Variants in ESS2 observed in about 807,000 individuals in gnomAD.
ESS2 encodes the protein splicing factor ESS-2 homolog.
A neutral mutation model predicts 52.0 loss-of-function variants in ESS2; 31 were observed. The ratio of observed to expected loss-of-function variants is 0.60; its 90% confidence interval spans 0.45 to 0.81. The LOEUF (loss-of-function observed/expected upper bound fraction) is 0.81. Ranked by LOEUF, ESS2 falls within the 30% of genes least tolerant of loss-of-function variation. The probability of loss-of-function intolerance (pLI) is 0.00; values close to 1 mark genes in which losing one functional copy is unlikely to be tolerated. For missense variants in ESS2, 602 were observed against 637.2 expected, an observed-to-expected ratio of 0.94 and a Z score of 0.59; for synonymous variants, 285 against 259.2, an observed-to-expected ratio of 1.10 and a Z score of -0.95.
intron 1 of ESS2, 21 bp downstream of exon 1, chr22:19,144,485 G>C (rs200727468): frequency 6.2e-7 from 1 of 1,611,372 alleles, no homozygotes; most frequent in East Asian, 2.2e-5. Context: ...GAAGTCGCCG[G>C]CGTCCGCACC....
chr22:19,139,993 C>T lies in ESS2; in HGVS notation c.432G>A (p.Pro144=), dbSNP rs371813070. 20 of 1,613,784 alleles carry T rather than the reference C, an allele frequency of 1.2e-5. No individual in the cohort carries two copies. The highest frequency in any genetic ancestry group is 4.0e-5 in the African/African-American group (3 of 74,918). Residue 144 remains proline, a synonymous_variant, in exon 4 of 10, where the codon CCG becomes CCA. Coordinates refer to ENST00000252137, the MANE Select transcript of ESS2 (RefSeq NM_022719.3). ...TCAGGAAGACATCTAGGCTGGGCAG[C>T]GGCTCCTTCTCCTCCTCCTCTCCAG... is the stretch of plus-strand genomic sequence containing the variant. ...GEAGEEEEKE[P]LPSLDVFLSR...
Position 19,137,366 on chromosome 22 carries a change from G to A in ESS2, c.992C>T (p.Ser331Leu), listed in dbSNP as rs780602798. The A allele has an allele frequency of 3.5e-5, 56 of 1,613,610 alleles. No individual in the cohort carries two copies. The South Asian group carries it at 4.6e-4, about 13-fold the overall frequency. Residue 331 changes from serine to leucine, a missense_variant, in exon 8 of 10, where the codon TCG (serine) becomes TTG (leucine). Physicochemically the swap from Ser to Leu is moderately radical, Grantham distance 145. Coordinates refer to ENST00000252137, the MANE Select transcript of ESS2 (RefSeq NM_022719.3). ...TGTCCTGTCCACGTAGGGCGTTTCCGACCCTTCAACTCTCAAGGGTGTGTT... is the reference window on the plus strand; with the variant it reads ...TGTCCTGTCCACGTAGGGCGTTTCCAACCCTTCAACTCTCAAGGGTGTGTT... Reference protein sequence around the residue: ...VENTPLRVEGSETPYVDRTPG... With the variant: ...VENTPLRVEGLETPYVDRTPG...
At chr22:19,140,103 T>C (rs1367714735) in intron 3 of ESS2, 79 bp from the exon 4 acceptor site, 12 of 1,539,282 alleles carry the variant, frequency 7.8e-6, no homozygotes, top group East Asian at 6.8e-5. Flanking sequence ...CCAGGAATCA[T>C]AGCCCCCAAC....
In ESS2 at chr22:19,131,434, A is replaced by T; in HGVS notation, c.*2762T>A. 5 of 1,613,196 alleles carry T rather than the reference A, an allele frequency of 3.1e-6. 1 individual carries two copies. The highest frequency in any genetic ancestry group is 4.2e-6 in the Non-Finnish European group (5 of 1,179,472). On this transcript the variant is annotated 3_prime_UTR_variant, in exon 10 of 10. Coordinates refer to ENST00000252137, the MANE Select transcript of ESS2 (RefSeq NM_022719.3). The surrounding 1 kb of genome is among the most constrained non-coding windows in gnomAD (Gnocchi z 5.7). ...GCCACAGTCCTAAGGAAGAAGGGTT[A>T]CATCGTAGGCATCAATCTTGGCAAG...
chr22:19,141,603 G>A (rs949435476), intron 3 of ESS2, among the ~76,000 whole-genome samples: 1 of 152,190 alleles, frequency 6.6e-6, no homozygotes, highest in Admixed American at 6.5e-5. Flanking sequence ...TTCCCAACAC[G>A]GAGCATACAG....
intron 1 of ESS2, among the ~76,000 whole-genome samples, chr22:19,143,305 C>T (rs1336234852): frequency 6.6e-6 from 1 of 152,120 alleles, no homozygotes; most frequent in African/African-American, 2.4e-5. Context: ...GCTGAACCTC[C>T]TTCAAATTCT....
rs777867014 is a variant in ESS2 at position 19,132,078 on chromosome 22, A to C, written c.*2118T>G. 4.3e-6 allele frequency: 7 copies of C among 1,613,726 alleles called. No homozygotes were observed. Among genetic ancestry groups the C allele is most frequent in the Non-Finnish European group, 5.9e-6 (7 of 1,179,814 alleles). On this transcript the variant is annotated 3_prime_UTR_variant, in exon 10 of 10. Coordinates refer to ENST00000252137, the MANE Select transcript of ESS2 (RefSeq NM_022719.3). The surrounding 1 kb of genome is among the most constrained non-coding windows in gnomAD (Gnocchi z 4.2). ...CTCCGACATCAGGAAGATGCTGCGTATCCAGAAGGAGCACCGTGTGGACTT... is the reference window on the plus strand; with the variant it reads ...CTCCGACATCAGGAAGATGCTGCGTCTCCAGAAGGAGCACCGTGTGGACTT...
chr22:19,140,108 C>A, intron 3 of ESS2, 84 bp from the exon 4 acceptor site: 1 of 1,520,546 alleles, frequency 6.6e-7, no homozygotes, highest in Non-Finnish European at 9.0e-7. Flanking sequence ...AATCATAGCC[C>A]CCAACATGCA....
intron 1 of ESS2, chr22:19,144,052 C>A: frequency 1.0e-6 from 1 of 997,362 alleles, no homozygotes. Flanking sequence ...TAAAACCAAA[C>A]TGACTTCCGC....
chr22:19,132,279 C>G lies in ESS2; in HGVS notation c.*1917G>C. On this transcript the variant is annotated 3_prime_UTR_variant, in exon 10 of 10. Coordinates refer to ENST00000252137, the MANE Select transcript of ESS2 (RefSeq NM_022719.3). This position sits in a 1 kb window ranked among gnomAD's most constrained non-coding sequence, Gnocchi z 4.2. Reference sequence around the variant, plus strand: ...CAAGAGGGAGGGGGAGGGCAAGTACCGCGCTGAGTGCAAACTGGACACCAA... The same window carrying G: ...CAAGAGGGAGGGGGAGGGCAAGTACGGCGCTGAGTGCAAACTGGACACCAA... The G allele has an allele frequency of 6.2e-7, 1 of 1,613,454 alleles. No individual in the cohort carries two copies. The highest frequency in any genetic ancestry group is 8.5e-7 in the Non-Finnish European group (1 of 1,179,938).
chr22:19,135,146 C>T lies in ESS2; in HGVS notation c.1065G>A (p.Leu355=), dbSNP rs1218723476. Residue 355 remains leucine, a synonymous_variant, in exon 9 of 10, where the codon CTG becomes CTA. Coordinates refer to ENST00000252137, the MANE Select transcript of ESS2 (RefSeq NM_022719.3). The part of the protein sequence containing the change: ...KILEPGRRER[L]GLKMANEAAA... ...CGGCCTCGTTGGCCATCTTCAGACCCAGCCGCTCCCTGCGGCCTGGCTCCA... is the reference window on the plus strand; with the variant it reads ...CGGCCTCGTTGGCCATCTTCAGACCTAGCCGCTCCCTGCGGCCTGGCTCCA... 2.5e-6 allele frequency: 4 copies of T among 1,613,792 alleles called. No homozygotes were observed. Among genetic ancestry groups the T allele is most frequent in the Non-Finnish European group, 3.4e-6 (4 of 1,179,844 alleles).
intron 1 of ESS2, among the ~76,000 whole-genome samples, chr22:19,143,203 A>AG (rs5844374): frequency 8.2e-4 from 1 of 1,214 alleles, no homozygotes; most frequent in Non-Finnish European, 1.4e-3. Context: ...AGACCGTCTC[A>AG]AAAAAAAAAA....
At chr22:19,136,031 TAAAAA>T (rs377121962) in intron 8 of ESS2, among the ~76,000 whole-genome samples, 2 of 92,536 alleles carry the variant, frequency 2.2e-5, no homozygotes, top group East Asian at 3.1e-4. Context: ...CCCTATCTGT[TAAAAA>T]AAAAAAAAAA....
chr22:19,131,996 C>T lies in ESS2; in HGVS notation c.*2200G>A. On this transcript the variant is annotated 3_prime_UTR_variant, in exon 10 of 10. Transcript: ENST00000252137. The surrounding 1 kb of genome is among the most constrained non-coding windows in gnomAD (Gnocchi z 5.7). ...CCTACCAGCCCAAGGTGTATGACAT[C>T]TGGAGCCTGGGCGTGATCCTGTACA... 6.2e-7 allele frequency: 1 copy of T among 1,614,166 alleles called. No homozygotes were observed. The highest frequency in any genetic ancestry group is 8.5e-7 in the Non-Finnish European group (1 of 1,180,040).
Position 19,144,535 on chromosome 22 carries a change from G to A in ESS2, c.106C>T (p.Arg36Trp). The change falls in exon 1 of 10, where the codon CGG becomes TGG. Residue 36 changes from arginine (R) to tryptophan (W), a missense_variant. Physicochemically the swap from Arg to Trp is moderately radical, Grantham distance 101. Coordinates refer to ENST00000252137, the MANE Select transcript of ESS2 (RefSeq NM_022719.3). Reference sequence around the variant, plus strand: ...ATATACTCTTCCTCGTCCAGGACCCGCTGCTTGCTCGTCGCAGCCCCAGCC... The same window carrying A: ...ATATACTCTTCCTCGTCCAGGACCCACTGCTTGCTCGTCGCAGCCCCAGCC... Reference protein sequence around the residue: ...GEAGAATSKQRVLDEEEYIEG... With the variant: ...GEAGAATSKQWVLDEEEYIEG... 1 of 1,608,994 alleles carries A rather than the reference G, an allele frequency of 6.2e-7. No homozygotes were observed. The highest frequency in any genetic ancestry group is 8.5e-7 in the Non-Finnish European group (1 of 1,177,964).
In ESS2 at chr22:19,130,474, A is replaced by T. The variant is rs1284485113; in HGVS notation, c.*3722T>A. The T allele has an allele frequency of 3.3e-6, 1 of 304,550 alleles. No individual in the cohort carries two copies. The highest frequency in any genetic ancestry group is 6.3e-6 in the Non-Finnish European group (1 of 158,922). 18.9% of individuals were successfully genotyped at this position (304,550 alleles called of 1,614,324 possible). On this transcript the variant is annotated 3_prime_UTR_variant, in exon 10 of 10. Coordinates refer to ENST00000252137, the MANE Select transcript of ESS2 (RefSeq NM_022719.3). ...CAAGGAGAAGGTCAGAGGCAAAAAA[A>T]ATGCTTGCTAAGTCCGATTAAAAGG...
chr22:19,134,298 C>T lies in ESS2; in HGVS notation c.1329G>A (p.Ala443=), dbSNP rs368666308. The change falls in exon 10 of 10, where the codon GCG becomes GCA. Residue 443 remains alanine, a synonymous_variant. Coordinates refer to ENST00000252137, the MANE Select transcript of ESS2 (RefSeq NM_022719.3). ...SGLQTPTSTP[A]PGSATRTPLT... is the part of the protein sequence containing the mutation. ...GAGGGGTGCGTGTGGCAGAGCCAGGCGCCGGTGTGCTTGTGGGGGTCTGCA... is the reference window on the plus strand; with the variant it reads ...GAGGGGTGCGTGTGGCAGAGCCAGGTGCCGGTGTGCTTGTGGGGGTCTGCA... 42 of 1,601,490 alleles carry T rather than the reference C, an allele frequency of 2.6e-5. No individual in the cohort carries two copies. Among genetic ancestry groups the T allele is most frequent in the Non-Finnish European group, 3.4e-5 (40 of 1,173,408 alleles).
At position 19,132,150 on chromosome 22, in the gene ESS2, C is replaced by T. The variant is rs757615521; in HGVS notation, c.*2046G>A. On this transcript the variant is annotated 3_prime_UTR_variant, in exon 10 of 10. Coordinates refer to ENST00000252137, the MANE Select transcript of ESS2 (RefSeq NM_022719.3). The surrounding 1 kb of genome is among the most constrained non-coding windows in gnomAD (Gnocchi z 4.2). ...CTGCGAGTGCAAGGACCTCATCTACCGCATGCTGCAGCCCGACGTCAGCCA... is the reference window on the plus strand; with the variant it reads ...CTGCGAGTGCAAGGACCTCATCTACTGCATGCTGCAGCCCGACGTCAGCCA... 2.1e-5 allele frequency: 34 copies of T among 1,613,232 alleles called. No homozygotes were observed. Among genetic ancestry groups the T allele is most frequent in the Middle Eastern group, 1.6e-4 (1 of 6,082 alleles).
chr22:19,141,713 C>T (rs1014750192), intron 3 of ESS2, among the ~76,000 whole-genome samples: 4 of 152,136 alleles, frequency 2.6e-5, no homozygotes, highest in African/African-American at 7.2e-5. Context: ...CTTGGCCAGG[C>T]GCGGTGGCTC....
Sources: allele counts gnomAD v4.1 joint callset (sites outside exome capture counted in the v4.1 genomes callset), GRCh38; gene constraint gnomAD v4.1.1; non-coding constraint Gnocchi (gnomAD v3.1); transcripts MANE v1.5; gene names NCBI Gene and HGNC (gene_info 2026-07-23, HGNC 2026-07-21).